The following PTPN21 variants were observed in gnomAD, a reference collection of about 807,000 sequenced individuals.
PTPN21 encodes the protein protein tyrosine phosphatase non-receptor type 21.
Under a neutral mutation model 131.8 loss-of-function variants are expected in PTPN21, and 77 were observed. The observed-to-expected ratio is 0.58, with a 90% confidence interval of 0.49 to 0.71. The LOEUF (loss-of-function observed/expected upper bound fraction) is 0.71. PTPN21 is among the 30% of genes least tolerant of loss of function. PTPN21 has a pLI of 0.00. For missense variants in PTPN21, 1,552 were observed against 1,527.1 expected, an observed-to-expected ratio of 1.02 and a Z score of -0.27; for synonymous variants, 715 against 621.3, an observed-to-expected ratio of 1.15 and a Z score of -2.24.
chr14:88,499,164 A>C (rs546935599), intron 8 of PTPN21, among the ~76,000 whole-genome samples: 1 of 152,054 alleles, frequency 6.6e-6, no homozygotes, highest in African/African-American at 2.4e-5. Flanking sequence ...GGTTAATATA[A>C]GTGGCTTGGG....
At position 88,479,838 on chromosome 14, in the gene PTPN21, C is replaced by T. The variant is rs751683324; in HGVS notation, c.1593G>A (p.Arg531=). The T allele has an allele frequency of 6.4e-7, 1 of 1,552,750 alleles. No individual in the cohort carries two copies. Among genetic ancestry groups the T allele is most frequent in the South Asian group, 1.2e-5 (1 of 82,194 alleles). ...PSPYPYPAER[R]PVVGAVSVPE... is the part of the protein sequence containing the mutation. ...GCACGCTGACCGCGCCCACCACGGG[C>T]CGCCGCTCGGCAGGGTAGGGGTAGG... Residue 531 remains arginine, a synonymous_variant, in exon 13 of 19, where the codon CGG becomes CGA. Transcript: ENST00000556564.
At chr14:88,470,233 G>T in intron 15 of PTPN21, 183 bp from the exon 16 acceptor site, 1 of 612,540 alleles carries the variant, frequency 1.6e-6, no homozygotes, top group Non-Finnish European at 2.8e-6. Context: ...AATACAATTT[G>T]CATTACTGAC....
intron 18 of PTPN21, 47 bp from the exon 19 acceptor site, chr14:88,468,312 G>GAC (rs1256436530): frequency 4.0e-6 from 6 of 1,509,580 alleles, no homozygotes; most frequent in Non-Finnish European, 4.5e-6. Flanking sequence ...CCCCTGGGGA[G>GAC]ACAGAAAGGA....
chr14:88,479,275 A>T lies in PTPN21; in HGVS notation c.2156T>A (p.Phe719Tyr). The T allele has an allele frequency of 1.2e-6, 2 of 1,612,728 alleles. No individual in the cohort carries two copies. Among genetic ancestry groups the T allele is most frequent in the Non-Finnish European group, 1.7e-6 (2 of 1,179,332 alleles). Residue 719 changes from phenylalanine (F) to tyrosine (Y), a missense_variant, in exon 13 of 19, where the codon TTC becomes TAC. Physicochemically the swap from Phe to Tyr is conservative, Grantham distance 22. Around this residue, in one of 4 missense-constraint regions of PTPN21, gnomAD observed 1,016 missense variants for 883.5 expected, o/e 1.15. Transcript: ENST00000556564. The stretch of plus-strand genomic sequence containing the variant: ...CGCCCGGGCCCCGCTCTCCTCCTCG[A>T]AGTCCTCGTCCTCCTCCTCCTCGCT... ...HSSEEEEDEDFEEESGARAPP... is the reference protein window; with the variant it reads ...HSSEEEEDEDYEEESGARAPP...
intron 3 of PTPN21, among the ~76,000 whole-genome samples, chr14:88,514,630 T>C (rs2078238121): frequency 6.6e-6 from 1 of 151,620 alleles, no homozygotes; most frequent in African/African-American, 2.4e-5. Flanking sequence ...ACACCTGACA[T>C]ATTTTGTATT....
At chr14:88,488,414 G>A (rs1171306453) in intron 10 of PTPN21, among the ~76,000 whole-genome samples, 2 of 152,182 alleles carry the variant, frequency 1.3e-5, no homozygotes, top group African/African-American at 4.8e-5. Context: ...CTGCCAAAGT[G>A]CTTGACCCAG....
At position 88,470,021 on chromosome 14, in the gene PTPN21, A is replaced by G. The variant is rs774158267; in HGVS notation, c.2901T>C (p.Tyr967=). The change falls in exon 16 of 19, where the codon TAT becomes TAC. Residue 967 remains tyrosine, a synonymous_variant. Transcript: ENST00000556564. ...KVSVSGIEWD[Y]IATQGPLQNT... ...TCTGTAATGGTCCCTGTGTGGCAAT[A>G]TAATCCCATTCGATTCCACTGACAG... The G allele has an allele frequency of 6.2e-7, 1 of 1,613,618 alleles. No homozygotes were observed. The highest frequency in any genetic ancestry group is 1.3e-5 in the African/African-American group (1 of 75,034).
At chr14:88,476,640 G>A (rs2077551725) in intron 13 of PTPN21, among the ~76,000 whole-genome samples, 2 of 152,164 alleles carry the variant, frequency 1.3e-5, no homozygotes, top group South Asian at 4.1e-4. Flanking sequence ...ATCTGATGTG[G>A]AAGCTGAGGT....
At chr14:88,550,129 G>C (rs2078842293) in intron 2 of PTPN21, 109 bp downstream of exon 2, 2 of 1,161,746 alleles carry the variant, frequency 1.7e-6, no homozygotes, top group Admixed American at 4.5e-5. Context: ...GGCCAGGCTA[G>C]GCTCGAACTC....
At chr14:88,475,778 A>G (rs1041414861) in intron 13 of PTPN21, among the ~76,000 whole-genome samples, 1 of 152,210 alleles carries the variant, frequency 6.6e-6, no homozygotes, top group Non-Finnish European at 1.5e-5. Context: ...TTGCTAGTCA[A>G]TATGAACTAG....
At chr14:88,495,784 G>A (rs567728024) in intron 10 of PTPN21, among the ~76,000 whole-genome samples, 16 of 152,228 alleles carry the variant, frequency 1.1e-4, no homozygotes, top group South Asian at 4.2e-4. Context: ...TCAGTACTGC[G>A]GAGCGGTCAA....
chr14:88,481,989 T>A (rs1330464097), intron 12 of PTPN21, among the ~76,000 whole-genome samples: 1 of 152,256 alleles, frequency 6.6e-6, no homozygotes, highest in East Asian at 1.9e-4. Context: ...CTCAAGCCCC[T>A]ACGGCAGACT....
At position 88,497,385 on chromosome 14, in the gene PTPN21, G is replaced by T. The variant is rs189059692; in HGVS notation, c.765-95C>A. On this transcript the variant is annotated intron_variant, in intron 8 of 18. Transcript: ENST00000556564. Reference sequence around the variant, plus strand: ...AGTTTTCCCTAAGCCTGACGTGTAAGTTAGCATTTGGTAACATTTTTGAGA... The same window carrying T: ...AGTTTTCCCTAAGCCTGACGTGTAATTTAGCATTTGGTAACATTTTTGAGA... 1.2e-3 allele frequency: 1,139 copies of T among 950,330 alleles called. 18 individuals are homozygous for T. The East Asian group carries it at 0.024, about 20-fold the overall frequency. The allele number at this position is 950,330 out of a possible 1,614,324, so 58.9% of individuals were successfully genotyped here.
chr14:88,490,279 G>A (rs2077804348), intron 10 of PTPN21, among the ~76,000 whole-genome samples: 1 of 152,074 alleles, frequency 6.6e-6, no homozygotes, highest in Non-Finnish European at 1.5e-5. Flanking sequence ...AAAGTGCTGG[G>A]ATTACAGGCA....
chr14:88,532,933 T>A (rs2078574547), intron 2 of PTPN21, among the ~76,000 whole-genome samples: 1 of 152,196 alleles, frequency 6.6e-6, no homozygotes, highest in African/African-American at 2.4e-5. Flanking sequence ...AGAGGTAGTA[T>A]CCTTTATTTA....
chr14:88,487,965 C>CAAAAAAA (rs535857551), intron 10 of PTPN21, among the ~76,000 whole-genome samples: 38 of 92,468 alleles, frequency 4.1e-4, no homozygotes, highest in South Asian at 7.1e-4. Flanking sequence ...GACTCCATCT[C>CAAAAAAA]AAAAAAAAAA....
intron 11 of PTPN21, 143 bp downstream of exon 11, chr14:88,485,639 A>G: frequency 1.9e-6 from 1 of 520,564 alleles, no homozygotes; most frequent in Non-Finnish European, 3.3e-6. Flanking sequence ...ATGGGAAAAA[A>G]TTACCATTTC....
intron 10 of PTPN21, among the ~76,000 whole-genome samples, chr14:88,491,102 G>A (rs1280322436): frequency 6.6e-6 from 1 of 151,900 alleles, no homozygotes; most frequent in Admixed American, 6.5e-5. Context: ...AAGTATAAAA[G>A]TCTCAATATC....
In PTPN21 at chr14:88,469,819, C is replaced by CAA; in HGVS notation, c.3001-88_3001-87dup. Reference sequence around the variant, plus strand: ...AGACGGCACATCTGAAACAGAACCACAACCCTACCCTGCCTTTTTCTCCAC... The same window carrying CAA: ...AGACGGCACATCTGAAACAGAACCACAAAACCCTACCCTGCCTTTTTCTCCAC... On this transcript the variant is annotated intron_variant, in intron 16 of 18. Transcript: ENST00000556564. The surrounding 1 kb of genome is among the most constrained non-coding windows in gnomAD (Gnocchi z 4.3). 1 of 1,601,376 alleles carries CAA rather than the reference C, an allele frequency of 6.2e-7. No homozygotes were observed. The highest frequency in any genetic ancestry group is 8.6e-7 in the Non-Finnish European group (1 of 1,168,672).
Sources: gnomAD v4.1 joint callset for allele counts (sites outside exome capture counted in the v4.1 genomes callset) on GRCh38, gnomAD v4.1.1 for gene constraint, gnomAD v4.1.1 regional missense constraint, Gnocchi (gnomAD v3.1) non-coding constraint, MANE v1.5 for transcripts, NCBI Gene and HGNC (gene_info 2026-07-23, HGNC 2026-07-21) for gene names.